DOK6: variants seen among roughly 807,000 people sequenced by gnomAD.
DOK6 encodes the protein docking protein 6.
In DOK6, 22 loss-of-function variants were observed where a neutral mutation model predicts 44.0. The observed-to-expected ratio is 0.50, with a 90% CI of 0.36 to 0.71. The LOEUF is 0.71. Among genes scored for constraint, DOK6 ranks in the 30% least tolerant of loss-of-function variants. The pLI, the probability that DOK6 is intolerant of heterozygous loss-of-function variation, is 0.00. For missense variants in DOK6, 340 were observed against 416.4 expected, an observed-to-expected ratio of 0.82 and a Z score of 1.60; for synonymous variants, 166 against 145.5, an observed-to-expected ratio of 1.14 and a Z score of -1.01.
intron 5 of DOK6, among the ~76,000 whole-genome samples, chr18:69,732,849 T>C (rs771723970): frequency 5.9e-5 from 9 of 152,194 alleles, no homozygotes; most frequent in Non-Finnish European, 8.8e-5. Context: ...AAGATTTCCT[T>C]GTAGGCATGT....
chr18:69,418,234 T>C (rs1206065300), intron 1 of DOK6, among the ~76,000 whole-genome samples: 1 of 151,710 alleles, frequency 6.6e-6, no homozygotes, highest in African/African-American at 2.4e-5. Flanking sequence ...TATGTATATA[T>C]TGAAAGACAG....
At chr18:69,779,309 T>C (rs1349948792) in intron 7 of DOK6, among the ~76,000 whole-genome samples, 1 of 152,072 alleles carries the variant, frequency 6.6e-6, no homozygotes, top group Non-Finnish European at 1.5e-5. Context: ...CGTACTTAGA[T>C]GTCCGGATAA....
At position 69,817,198 on chromosome 18, in the gene DOK6, A is replaced by G. The variant is rs114650098; in HGVS notation, c.857-24046A>G. 8.2e-3 allele frequency among the ~76,000 whole-genome samples: 1,255 copies of G among 152,276 alleles called. 18 individuals are homozygous for G. The highest frequency in any genetic ancestry group is 0.029 in the African/African-American group (1,194 of 41,570). ...TATACAACTATGGCAGCTGTTCAGT[A>G]AATGTTTACGTCTTGAACTGACTCT... On this transcript the variant is annotated intron_variant, in intron 7 of 7. Transcript: ENST00000382713.
intron 1 of DOK6, among the ~76,000 whole-genome samples, chr18:69,540,440 T>A (rs1257211926): frequency 6.6e-6 from 1 of 152,242 alleles, no homozygotes; most frequent in Non-Finnish European, 1.5e-5. Context: ...ATGTGTCTAG[T>A]TCCCAGGGAC....
In DOK6 at chr18:69,631,122, G is replaced by A. The variant is rs190053046; in HGVS notation, c.289+31624G>A. On this transcript the variant is annotated intron_variant, in intron 3 of 7. Coordinates refer to ENST00000382713, the MANE Select transcript of DOK6 (RefSeq NM_152721.6). ...GCTATGTCTTCTTAAAAAAAAAAGCGGTTCTCATTTTTGCATTTCAGCATA... is the reference window on the plus strand; with the variant it reads ...GCTATGTCTTCTTAAAAAAAAAAGCAGTTCTCATTTTTGCATTTCAGCATA... 4.6e-3 allele frequency among the ~76,000 whole-genome samples: 696 copies of A among 151,830 alleles called. 16 individuals carry two copies. Among genetic ancestry groups the A allele is most frequent in the Non-Finnish European group, 2.5e-3 (169 of 67,932 alleles).
chr18:69,587,570 G>A (rs377474948), intron 2 of DOK6, among the ~76,000 whole-genome samples: 5 of 152,104 alleles, frequency 3.3e-5, no homozygotes, highest in Admixed American at 6.6e-5. Flanking sequence ...CCCAGGACCC[G>A]CTGTGCAACC....
intron 1 of DOK6, among the ~76,000 whole-genome samples, chr18:69,482,573 C>A (rs1198035392): frequency 6.6e-6 from 1 of 151,996 alleles, no homozygotes; most frequent in East Asian, 1.9e-4. Context: ...TAGGCTGAAG[C>A]TGCCCATTAC....
intron 1 of DOK6, among the ~76,000 whole-genome samples, chr18:69,404,319 C>A (rs1916157075): frequency 1.3e-5 from 2 of 152,170 alleles, no homozygotes; most frequent in South Asian, 2.1e-4. Flanking sequence ...GGGAAGCTAG[C>A]AACCTGTTGA....
At chr18:69,804,543 A>G (rs1242240295) in intron 7 of DOK6, among the ~76,000 whole-genome samples, 3 of 152,224 alleles carry the variant, frequency 2.0e-5, no homozygotes, top group Non-Finnish European at 4.4e-5. Flanking sequence ...AATTATACAC[A>G]TTATATGAAC....
rs189420827 is a variant in DOK6, at chr18:69,552,104, A to C, written c.67-12383A>C. Among the ~76,000 whole-genome samples the C allele has an allele frequency of 2.6e-5, 4 of 152,318 alleles. No individual in the cohort carries two copies. In the East Asian group the frequency reaches 5.8e-4, roughly 22 times the overall value. On this transcript the variant is annotated intron_variant, in intron 1 of 7. Coordinates refer to ENST00000382713, the MANE Select transcript of DOK6 (RefSeq NM_152721.6). ...TTAAAAAATCACTTTCCTGGAACAT[A>C]GTGAGGACTTACTGGACAAAAATGG...
At chr18:69,813,088 A>T (rs79023785) in intron 7 of DOK6, among the ~76,000 whole-genome samples, 282 of 152,270 alleles carry the variant, frequency 1.9e-3, no homozygotes, top group African/African-American at 6.6e-3. Flanking sequence ...TCTTATGCAG[A>T]TAGACAGTGT....
intron 1 of DOK6, chr18:69,470,251 G>A (rs138917413): frequency 0.014 from 2,095 of 152,320 alleles, 29 homozygotes; most frequent in South Asian, 0.034. Context: ...CAGAAAGCAA[G>A]GACTGCCCTT....
At chr18:69,686,771 G>T (rs1317066697) in intron 4 of DOK6, among the ~76,000 whole-genome samples, 1 of 151,942 alleles carries the variant, frequency 6.6e-6, no homozygotes. Context: ...TAACAAATCT[G>T]AATAAATTAT....
intron 1 of DOK6, among the ~76,000 whole-genome samples, chr18:69,530,957 G>A (rs1981968571): frequency 6.6e-6 from 1 of 152,076 alleles, no homozygotes; most frequent in Non-Finnish European, 1.5e-5. Context: ...CCTGTATTGG[G>A]TGCATATATA....
At position 69,843,229 on chromosome 18, in the gene DOK6, A is replaced by G. The variant is rs1227867870; in HGVS notation, c.*1846A>G. On this transcript the variant is annotated 3_prime_UTR_variant, in exon 8 of 8. Coordinates refer to ENST00000382713, the MANE Select transcript of DOK6 (RefSeq NM_152721.6). ...AAAGAAAATTACCCAGGTTCTCTGC[A>G]CTGTGAATTTTGCTGACACAGCGGA... 6.6e-6 allele frequency: 1 copy of G among 152,270 alleles called. No homozygotes were observed. Among genetic ancestry groups the G allele is most frequent in the Non-Finnish European group, 1.5e-5 (1 of 68,048 alleles). The allele number at this position is 152,270 out of a possible 1,614,324, so 9.4% of individuals were successfully genotyped here.
intron 1 of DOK6, 35 bp downstream of exon 1, chr18:69,401,345 G>A: frequency 2.1e-6 from 3 of 1,462,224 alleles, no homozygotes; most frequent in Middle Eastern, 1.8e-4. Flanking sequence ...CTTCCCCGGC[G>A]CTCGTTCGGC....
At chr18:69,732,689 G>A (rs928716487) in intron 5 of DOK6, among the ~76,000 whole-genome samples, 2 of 152,186 alleles carry the variant, frequency 1.3e-5, no homozygotes, top group African/African-American at 2.4e-5. Context: ...TGCCATCACT[G>A]AGTACACAGG....
intron 1 of DOK6, among the ~76,000 whole-genome samples, chr18:69,480,149 A>C (rs2053518): frequency 0.27 from 41,737 of 152,054 alleles, 6,489 homozygotes; most frequent in African/African-American, 0.4. Context: ...ATAATTCAAA[A>C]TAAGTTTAAC....
chr18:69,811,146 T>C (rs1207938535), intron 7 of DOK6, among the ~76,000 whole-genome samples: 3 of 152,130 alleles, frequency 2.0e-5, no homozygotes, highest in South Asian at 2.1e-4. Flanking sequence ...AAATCCACCA[T>C]GTATTACAAC....
Sources: gnomAD v4.1 joint callset for allele counts (sites outside exome capture counted in the v4.1 genomes callset) on GRCh38, gnomAD v4.1.1 for gene constraint, MANE v1.5 for transcripts, NCBI Gene and HGNC (gene_info 2026-07-23, HGNC 2026-07-21) for gene names.